PPP1R3F: variants seen among roughly 807,000 people sequenced by gnomAD.
PPP1R3F encodes protein phosphatase 1, regulatory (inhibitor) subunit 3F.
A neutral mutation model predicts 24.2 loss-of-function variants in PPP1R3F; 29 were observed. That is an observed-to-expected ratio of 1.20 (90% CI 0.89 to 1.63). PPP1R3F has a LOEUF of 1.63. Ranked by LOEUF, PPP1R3F falls within the 40% of genes most tolerant of loss-of-function variation. The probability of loss-of-function intolerance (pLI) is 0.00; values close to 1 mark genes in which losing one functional copy is unlikely to be tolerated. For missense variants in PPP1R3F, 823 were observed against 729.3 expected (o/e 1.13, Z -1.48); for synonymous variants, 363 against 340.1 (o/e 1.07, Z -0.74).
chrX:49,272,933 T>TC (rs1266829015), intron 1 of PPP1R3F: 1 of 107,768 alleles, frequency 9.3e-6, no homozygotes, highest in Non-Finnish European at 1.9e-5. Context: ...TTTTTTCTAT[T>TC]TTTTTTTTTT....
At chrX:49,277,031 T>G (rs1188371383) in intron 1 of PPP1R3F, among the ~76,000 whole-genome samples, 1 of 112,540 alleles carries the variant, frequency 8.9e-6, no homozygotes, top group African/African-American at 3.2e-5. Flanking sequence ...GGCAAAATTC[T>G]TTGAAAACAT....
chrX:49,274,782 C>A (rs997367582), intron 1 of PPP1R3F: 1 of 111,675 alleles, frequency 9.0e-6, no homozygotes, highest in Non-Finnish European at 1.9e-5. Context: ...TTCAGACTTT[C>A]TCTCCTGCTT....
downstream of PPP1R3F, among the ~76,000 whole-genome samples, chrX:49,291,862 C>A (rs1230405192): frequency 1.8e-5 from 2 of 110,888 alleles, no homozygotes; most frequent in Non-Finnish European, 3.8e-5. Flanking sequence ...CACCCGCATC[C>A]TACAACCCCT....
At chrX:49,294,574 C>A (rs1161032582) in intron 3 of PPP1R3F, among the ~76,000 whole-genome samples, 1 of 109,727 alleles carries the variant, frequency 9.1e-6, no homozygotes, top group Non-Finnish European at 1.9e-5. Context: ...ATTCTTGCCT[C>A]ATTTCTGATC....
intron 3 of PPP1R3F, among the ~76,000 whole-genome samples, chrX:49,284,361 CTTTCT>C (rs1224053937): frequency 8.2e-5 from 9 of 109,298 alleles, no homozygotes; most frequent in African/African-American, 2.7e-4. Flanking sequence ...TTTTCTTTTT[CTTTCT>C]TTTCTTTCCT....
chrX:49,285,798 T>C, intron 3 of PPP1R3F, 36 bp from the exon 4 acceptor site: 4 of 1,113,177 alleles, frequency 3.6e-6, no homozygotes, highest in Non-Finnish European at 4.7e-6. Context: ...ATTCCCTTGC[T>C]TTTTCTCTGC....
chrX:49,271,213 AAG>A (rs2066178148), intron 1 of PPP1R3F, among the ~76,000 whole-genome samples: 1 of 111,627 alleles, frequency 9.0e-6, no homozygotes, highest in Non-Finnish European at 1.9e-5. Flanking sequence ...TGAAGGGAGT[AAG>A]GGGATAGATT....
At chrX:49,276,580 C>G (rs919151654) in intron 1 of PPP1R3F, among the ~76,000 whole-genome samples, 3 of 112,696 alleles carry the variant, frequency 2.7e-5, no homozygotes, top group Non-Finnish European at 5.6e-5. Context: ...TATTGTTTCA[C>G]TCGAAGAACA....
intron 3 of PPP1R3F, among the ~76,000 whole-genome samples, chrX:49,285,403 C>T (rs1335473173): frequency 2.7e-5 from 3 of 111,034 alleles, no homozygotes; most frequent in Non-Finnish European, 5.7e-5. Flanking sequence ...ACCATGTTGG[C>T]CAGGCTGGTC....
chrX:49,281,482 G>A (rs1557120723), intron 2 of PPP1R3F, 21 bp downstream of exon 2: 6 of 1,155,997 alleles, frequency 5.2e-6, no homozygotes, highest in South Asian at 3.7e-5. Flanking sequence ...GGCAAGCTTC[G>A]GAAGTTTTAG....
intron 1 of PPP1R3F, among the ~76,000 whole-genome samples, chrX:49,277,427 G>T (rs1557120164): frequency 1.8e-5 from 2 of 112,629 alleles, no homozygotes; most frequent in African/African-American, 6.4e-5. Context: ...GTGTGCCCTG[G>T]CCCCTATGGC....
Position 49,297,235 on chromosome X carries a change from A to G in PPP1R3F, c.393-4116A>G, listed in dbSNP as rs782146507. Reference sequence around the variant, plus strand: ...TTTATTTATTTATTTATTTTTTGAGACAGAGTCTCGCTCTGTCACCCAGGC... The same window carrying G: ...TTTATTTATTTATTTATTTTTTGAGGCAGAGTCTCGCTCTGTCACCCAGGC... On this transcript the variant is annotated intron_variant, in intron 3 of 3. Transcript: ENST00000471261. Among the ~76,000 whole-genome samples the G allele has an allele frequency of 5.7e-5, 5 of 86,980 alleles. No homozygotes were observed. The East Asian group carries it at 1.7e-3, about 29-fold the overall frequency. The allele number at this position is 86,980 out of a possible 115,157, so 75.5% of individuals were successfully genotyped here. A position where few individuals can be genotyped will look rare whatever the true frequency, so the allele number is the denominator to read the frequency against.
chrX:49,290,722 T>C (rs2066306030), downstream of PPP1R3F, among the ~76,000 whole-genome samples: 1 of 111,354 alleles, frequency 9.0e-6, no homozygotes, highest in African/African-American at 3.3e-5. Flanking sequence ...TTGCCCAGGG[T>C]CACACAGTGG....
At position 49,281,964 on chromosome X, in the gene PPP1R3F, C is replaced by T; in HGVS notation, c.1061-17C>T. On this transcript the variant is annotated splice_polypyrimidine_tract_variant and intron_variant, in intron 2 of 3. Coordinates refer to ENST00000055335, the MANE Select transcript of PPP1R3F (RefSeq NM_033215.5). ...GTATGCCTGTCTTGCCCAATGCTGC[C>T]TTTCTCTTCCCTCTAGCAGAGCATC... 2 of 1,172,943 alleles carry T rather than the reference C, an allele frequency of 1.7e-6. No homozygotes were observed. The highest frequency in any genetic ancestry group is 2.3e-6 in the Non-Finnish European group (2 of 860,211).
intron 1 of PPP1R3F, chrX:49,274,619 C>T (rs963202864): frequency 8.9e-6 from 1 of 112,423 alleles, no homozygotes; most frequent in Admixed American, 9.3e-5. Context: ...CAGCCCAGCA[C>T]GTGCTAAGCT....
At chrX:49,284,510 T>A in intron 3 of PPP1R3F, among the ~76,000 whole-genome samples, 1 of 26,594 alleles carries the variant, frequency 3.8e-5, no homozygotes, top group Admixed American at 3.3e-4. Flanking sequence ...TTTTTCTTTC[T>A]TTTTTTTTTT....
chrX:49,285,393 A>G (rs1377258717), intron 3 of PPP1R3F, among the ~76,000 whole-genome samples: 1 of 110,791 alleles, frequency 9.0e-6, no homozygotes, highest in Admixed American at 9.6e-5. Context: ...ACGGGGTTTC[A>G]CCATGTTGGC....
chrX:49,288,642 GAC>G (rs2066300073), downstream of PPP1R3F, among the ~76,000 whole-genome samples: 1 of 112,348 alleles, frequency 8.9e-6, no homozygotes, highest in Admixed American at 9.5e-5. Flanking sequence ...AAACAGTGTA[GAC>G]ACACTCGTGT....
At chrX:49,273,207 T>C (rs1204790057) in intron 1 of PPP1R3F, 3 of 110,948 alleles carry the variant, frequency 2.7e-5, no homozygotes, top group Non-Finnish European at 5.7e-5. Flanking sequence ...TTTCCCAAGC[T>C]GTCATCCCCG....
Sources: gnomAD v4.1 joint callset for allele counts (sites outside exome capture counted in the v4.1 genomes callset) on GRCh38, gnomAD v4.1.1 for gene constraint, MANE v1.5 for transcripts, NCBI Gene and HGNC (gene_info 2026-07-23, HGNC 2026-07-21) for gene names.